Variants in ITSN1 observed in about 807,000 individuals in gnomAD.
The protein encoded by ITSN1 is intersectin-1.
In ITSN1, 58 loss-of-function variants were observed where a neutral mutation model predicts 239.8. The observed-to-expected ratio is 0.24, with a 90% confidence interval of 0.20 to 0.30. ITSN1 has a LOEUF of 0.30. ITSN1 is among the 10% of genes least tolerant of loss of function. The pLI is 1.00. For missense variants in ITSN1, 1,558 were observed against 2,103.3 expected (o/e 0.74, Z 5.07); for synonymous variants, 780 against 770.8 (o/e 1.01, Z -0.20).
At chr21:33,733,430 A>G (rs1253498889) in intron 4 of ITSN1, among the ~76,000 whole-genome samples, 2 of 152,198 alleles carry the variant, frequency 1.3e-5, no homozygotes, top group South Asian at 2.1e-4. Flanking sequence ...AAATAATACA[A>G]TGTTAGAAAA....
chr21:33,757,339 T>C (rs2067999824), intron 8 of ITSN1, among the ~76,000 whole-genome samples: 2 of 152,148 alleles, frequency 1.3e-5, no homozygotes, highest in South Asian at 4.1e-4. Context: ...TTTAGAACTT[T>C]TAAATATCTG....
chr21:33,671,114 T>C (rs1276514607), intron 1 of ITSN1, among the ~76,000 whole-genome samples: 1 of 152,190 alleles, frequency 6.6e-6, no homozygotes, highest in African/African-American at 2.4e-5. Flanking sequence ...TATGGGACAA[T>C]TCCTCATATG....
chr21:33,650,494 A>T (rs1471866214), intron 1 of ITSN1, among the ~76,000 whole-genome samples: 1 of 152,232 alleles, frequency 6.6e-6, no homozygotes, highest in East Asian at 1.9e-4. Flanking sequence ...ACACAGACAA[A>T]ATGTTGTGTA....
chr21:33,829,794 C>A (rs776197077), intron 27 of ITSN1, 49 bp downstream of exon 27: 2 of 1,602,964 alleles, frequency 1.2e-6, no homozygotes, highest in Non-Finnish European at 1.7e-6. Context: ...AGTTTCAATA[C>A]ACAAAATCTC....
intron 23 of ITSN1, 45 bp from the exon 24 acceptor site, chr21:33,819,195 TC>T: frequency 7.0e-7 from 1 of 1,435,396 alleles, no homozygotes. Flanking sequence ...TGTACGATTT[TC>T]TTTGAAGATA....
At chr21:33,654,555 T>C (rs77286070) in intron 1 of ITSN1, among the ~76,000 whole-genome samples, 4,829 of 152,140 alleles carry the variant, frequency 0.032, 250 homozygotes, top group African/African-American at 0.11. Context: ...AACCTACACA[T>C]CCAATTTCTT....
At chr21:33,668,446 G>T (rs1471397500) in intron 1 of ITSN1, among the ~76,000 whole-genome samples, 1 of 152,194 alleles carries the variant, frequency 6.6e-6, no homozygotes, top group Non-Finnish European at 1.5e-5. Context: ...GTTGTCAGGA[G>T]ATCTGCACTG....
chr21:33,774,912 C>T, intron 13 of ITSN1, 34 bp downstream of exon 13: 1 of 1,603,650 alleles, frequency 6.2e-7, no homozygotes, highest in Non-Finnish European at 8.5e-7. Context: ...TGAAAATATA[C>T]TAAGATGGAA....
intron 16 of ITSN1, among the ~76,000 whole-genome samples, chr21:33,786,987 G>C (rs2070727362): frequency 6.6e-6 from 1 of 152,204 alleles, no homozygotes; most frequent in African/African-American, 2.4e-5. Context: ...CTGTGCTTCA[G>C]TTTCCCCTGC....
Position 33,895,587 on chromosome 21 carries a change from TTG to T in ITSN1, c.*7290_*7291del, listed in dbSNP as rs1290379890. ...CGTGTATGTGTGCGTGTGTGCATGT[TTG>T]TGAGTGCATGTGTTTGTGCGTGTGT... is the stretch of plus-strand genomic sequence containing the variant. On this transcript the variant is annotated 3_prime_UTR_variant, in exon 40 of 40. Coordinates refer to ENST00000381318, the MANE Select transcript of ITSN1 (RefSeq NM_003024.3). The T allele has an allele frequency of 1.5e-5, 2 of 134,850 alleles. No homozygotes were observed. The highest frequency in any genetic ancestry group is 3.3e-5 in the Non-Finnish European group (2 of 61,236). 8.4% of individuals were successfully genotyped at this position (134,850 alleles called of 1,614,324 possible).
intron 1 of ITSN1, among the ~76,000 whole-genome samples, chr21:33,689,904 G>T (rs1193625777): frequency 6.6e-6 from 1 of 150,932 alleles, no homozygotes; most frequent in Non-Finnish European, 1.5e-5. Context: ...GGAGGTGGAG[G>T]TTGCAGTGAG....
At chr21:33,649,344 A>G (rs1221630956) in intron 1 of ITSN1, among the ~76,000 whole-genome samples, 2 of 152,214 alleles carry the variant, frequency 1.3e-5, no homozygotes. Flanking sequence ...AATACATGGG[A>G]TGGTAGAATG....
chr21:33,856,014 G>A (rs894755927), intron 29 of ITSN1, among the ~76,000 whole-genome samples: 1 of 152,240 alleles, frequency 6.6e-6, no homozygotes, highest in African/African-American at 2.4e-5. Flanking sequence ...TGCAGCCCAA[G>A]TCTCAGGGTT....
chr21:33,877,069 T>TTTTTTTTTTTTTTTTTTTTG (rs1363120823), intron 34 of ITSN1, among the ~76,000 whole-genome samples: 1 of 143,908 alleles, frequency 6.9e-6, no homozygotes, highest in African/African-American at 2.6e-5. Context: ...CTTTTTTTTT[T>TTTTTTTTTTTTTTTTTTTTG]TTGAAATGGA....
At chr21:33,698,398 TAGAGGACAACTTG>T (rs2091885951) in intron 1 of ITSN1, among the ~76,000 whole-genome samples, 1 of 152,184 alleles carries the variant, frequency 6.6e-6, no homozygotes, top group East Asian at 1.9e-4. Flanking sequence ...GTTCCCTATT[TAGAGGACAACTTG>T]AGTGATCATG....
intron 17 of ITSN1, among the ~76,000 whole-genome samples, chr21:33,795,991 T>C (rs2148030127): frequency 6.7e-6 from 1 of 149,662 alleles, no homozygotes; most frequent in African/African-American, 2.5e-5. Flanking sequence ...TGAGACGGAG[T>C]CTCGCTCTGT....
rs547513009 is a variant in ITSN1, at chr21:33,813,792, G to T, written c.2568-121G>T. ...TTTATTTTTTTGGTACTTTACTGTG[G>T]GTAAAAAGCTGGCATATTAGGGAGT... On this transcript the variant is annotated intron_variant, in intron 21 of 39. Coordinates refer to ENST00000381318, the MANE Select transcript of ITSN1 (RefSeq NM_003024.3). 408 of 742,802 alleles carry T rather than the reference G, an allele frequency of 5.5e-4. 2 individuals are homozygous for T. In the African/African-American group the frequency reaches 6.0e-3, roughly 11 times the overall value. The allele number at this position is 742,802 out of a possible 1,614,324, so 46.0% of individuals were successfully genotyped here.
chr21:33,693,032 T>C (rs568391797), intron 1 of ITSN1, among the ~76,000 whole-genome samples: 4 of 151,994 alleles, frequency 2.6e-5, no homozygotes, highest in South Asian at 2.1e-4. Flanking sequence ...CCTGACCTCA[T>C]GTGATCCGCC....
At chr21:33,799,659 A>G (rs1341886418) in intron 18 of ITSN1, 149 bp from the exon 19 acceptor site, 1 of 794,644 alleles carries the variant, frequency 1.3e-6, no homozygotes, top group East Asian at 2.8e-5. Flanking sequence ...GGCATTCAGT[A>G]TGTGTTTCAG....
Sources: gnomAD v4.1 joint callset for allele counts (sites outside exome capture counted in the v4.1 genomes callset) on GRCh38, gnomAD v4.1.1 for gene constraint, MANE v1.5 for transcripts, NCBI Gene and HGNC (gene_info 2026-07-23, HGNC 2026-07-21) for gene names.